The following TMEM86A variants were observed in gnomAD, a reference collection of about 807,000 sequenced individuals.
The protein encoded by TMEM86A is lysoplasmalogenase TMEM86A.
Under a neutral mutation model 19.8 loss-of-function variants are expected in TMEM86A, and 13 were observed. The observed-to-expected ratio is 0.66, with a 90% CI of 0.43 to 1.04. The LOEUF (loss-of-function observed/expected upper bound fraction) is 1.04, where lower values mean the gene tolerates loss of function less well. Among genes scored for constraint, TMEM86A ranks in the 50% least tolerant of loss-of-function variants. The probability of loss-of-function intolerance (pLI) is 0.00; values close to 1 mark genes in which losing one functional copy is unlikely to be tolerated. For missense variants in TMEM86A, 248 were observed against 306.8 expected, an observed-to-expected ratio of 0.81 and a Z score of 1.43; for synonymous variants, 128 against 129.9, an observed-to-expected ratio of 0.99 and a Z score of 0.10.
In TMEM86A at chr11:18,701,041, T is replaced by C. The variant is rs769669039; in HGVS notation, c.130T>C (p.Cys44Arg). 3 of 1,614,208 alleles carry C rather than the reference T, an allele frequency of 1.9e-6. No individual in the cohort carries two copies. The South Asian group carries it at 3.3e-5, about 18-fold the overall frequency. Residue 44 changes from cysteine (C) to arginine (R), a missense_variant, in exon 2 of 3, where the codon TGC (cysteine) becomes CGC (arginine). Physicochemically the swap from Cys to Arg is radical, Grantham distance 180 (BLOSUM62 -3). Coordinates refer to ENST00000280734, the MANE Select transcript of TMEM86A (RefSeq NM_153347.3). This position sits in a 1 kb window ranked among gnomAD's most constrained non-coding sequence, Gnocchi z 5.3. The stretch of plus-strand genomic sequence containing the variant: ...ATCGTGGGTCAGCACCCTCATCAAG[T>C]GCCTGCCTATCTTCTGCCTCTGGCT... ...SPSWVSTLIK[C>R]LPIFCLWLFL...
chr11:18,703,590 C>T lies in TMEM86A; in HGVS notation c.*1581C>T, dbSNP rs577825795. On this transcript the variant is annotated 3_prime_UTR_variant, in exon 3 of 3. Coordinates refer to ENST00000280734, the MANE Select transcript of TMEM86A (RefSeq NM_153347.3). ...TGATTCATTCATTAGTTGTAAAGCCCTGGCAGAATAATACATCACTCTGCT... is the reference window on the plus strand; with the variant it reads ...TGATTCATTCATTAGTTGTAAAGCCTTGGCAGAATAATACATCACTCTGCT... The T allele has an allele frequency of 2.0e-5, 3 of 152,194 alleles. No individual in the cohort carries two copies. Among genetic ancestry groups the T allele is most frequent in the Non-Finnish European group, 4.4e-5 (3 of 68,038 alleles). The allele number at this position is 152,194 out of a possible 1,614,324, so 9.4% of individuals were successfully genotyped here. A position where few individuals can be genotyped will look rare whatever the true frequency, so the allele number is the denominator to read the frequency against.
At position 18,704,627 on chromosome 11, in the gene TMEM86A, G is replaced by A; in HGVS notation, c.*2618G>A. 1.2e-6 allele frequency: 1 copy of A among 832,010 alleles called. No homozygotes were observed. The highest frequency in any genetic ancestry group is 2.2e-4 in the Middle Eastern group (1 of 4,550). 51.5% of individuals were successfully genotyped at this position (832,010 alleles called of 1,614,324 possible). A position where few individuals can be genotyped will look rare whatever the true frequency, so the allele number is the denominator to read the frequency against. On this transcript the variant is annotated 3_prime_UTR_variant, in exon 3 of 3. Coordinates refer to ENST00000280734, the MANE Select transcript of TMEM86A (RefSeq NM_153347.3). ...GCTGGACTTCCTATGCAGGAAACCA[G>A]GAGCTGGACCCTGGGACCCTTAATC...
In TMEM86A at chr11:18,702,034, TCTC is replaced by T; in HGVS notation, c.*31_*33del. 6.3e-7 allele frequency: 1 copy of T among 1,595,838 alleles called. No individual in the cohort carries two copies. Among genetic ancestry groups the T allele is most frequent in the Non-Finnish European group, 8.5e-7 (1 of 1,175,786 alleles). On this transcript the variant is annotated 3_prime_UTR_variant, in exon 3 of 3. Coordinates refer to ENST00000280734, the MANE Select transcript of TMEM86A (RefSeq NM_153347.3). ...AGGTGCCAGGGTCTGGTCACCCCTC[TCTC>T]CTCCTGGGGCTGGGGCCCAGATCCT... is the stretch of plus-strand genomic sequence containing the variant.
Position 18,704,730 on chromosome 11 carries a change from GT to G in TMEM86A, c.*2723del. Reference sequence around the variant, plus strand: ...TATTTGCCAGACATTGTGCCAGGCAGTTGTGTACTGTCTCATTTAAGCCTCA... The same window carrying G: ...TATTTGCCAGACATTGTGCCAGGCAGTGTGTACTGTCTCATTTAAGCCTCA... On this transcript the variant is annotated 3_prime_UTR_variant, in exon 3 of 3. Coordinates refer to ENST00000280734, the MANE Select transcript of TMEM86A (RefSeq NM_153347.3). The G allele has an allele frequency of 1.7e-6, 1 of 578,998 alleles. No homozygotes were observed. The highest frequency in any genetic ancestry group is 3.1e-6 in the Non-Finnish European group (1 of 322,218). 35.9% of individuals were successfully genotyped at this position (578,998 alleles called of 1,614,324 possible).
At position 18,701,490 on chromosome 11, in the gene TMEM86A, CG is replaced by C; in HGVS notation, c.287-82del. On this transcript the variant is annotated intron_variant, in intron 2 of 2. Transcript: ENST00000280734. This position sits in a 1 kb window ranked among gnomAD's most constrained non-coding sequence, Gnocchi z 5.3. Reference sequence around the variant, plus strand: ...GGTTATCCCAAACACTCCACTCCATCGCCACATCCATCCCTACCCCCACCCT... The same window carrying C: ...GGTTATCCCAAACACTCCACTCCATCCCACATCCATCCCTACCCCCACCCT... The C allele has an allele frequency of 7.1e-7, 1 of 1,412,322 alleles. No individual in the cohort carries two copies. The highest frequency in any genetic ancestry group is 9.6e-7 in the Non-Finnish European group (1 of 1,040,466). 87.5% of individuals were successfully genotyped at this position (1,412,322 alleles called of 1,614,324 possible).
chr11:18,702,403 ACT>A lies in TMEM86A; in HGVS notation c.*396_*397del. 4.5e-6 allele frequency: 1 copy of A among 224,636 alleles called. No individual in the cohort carries two copies. The highest frequency in any genetic ancestry group is 8.9e-6 in the Non-Finnish European group (1 of 111,836). The allele number at this position is 224,636 out of a possible 1,614,324, so 13.9% of individuals were successfully genotyped here. A position where few individuals can be genotyped will look rare whatever the true frequency, so the allele number is the denominator to read the frequency against. On this transcript the variant is annotated 3_prime_UTR_variant, in exon 3 of 3. Transcript: ENST00000280734. ...ACCAATGGCAGTGCTGGGTTCACCCACTCCTCCCCTTTTTCATCTGCACAAAG... is the reference window on the plus strand; with the variant it reads ...ACCAATGGCAGTGCTGGGTTCACCCACCTCCCCTTTTTCATCTGCACAAAG...
At position 18,702,287 on chromosome 11, in the gene TMEM86A, C is replaced by G. The variant is rs1848159127; in HGVS notation, c.*278C>G. 1 of 484,408 alleles carries G rather than the reference C, an allele frequency of 2.1e-6. No homozygotes were observed. The highest frequency in any genetic ancestry group is 3.3e-5 in the Admixed American group (1 of 30,352). 30.0% of individuals were successfully genotyped at this position (484,408 alleles called of 1,614,324 possible). A position where few individuals can be genotyped will look rare whatever the true frequency, so the allele number is the denominator to read the frequency against. On this transcript the variant is annotated 3_prime_UTR_variant, in exon 3 of 3. Transcript: ENST00000280734. ...ACCCTATCAGGACTTTCAAAACCCC[C>G]CTGGAAGGTGATGGTGCTCAGCTTC...
At position 18,698,865 on chromosome 11, in the gene TMEM86A, G is replaced by A. The variant is rs1476728430; in HGVS notation, c.-22G>A. ...TGGCCGCTGCAGCCCGGAGCAGGGT[G>A]CCAGCCGCCGCCGCCGCCGCCATGG... On this transcript the variant is annotated 5_prime_UTR_variant, in exon 1 of 3. Transcript: ENST00000280734. 3.0e-6 allele frequency: 2 copies of A among 675,278 alleles called. No homozygotes were observed. Among genetic ancestry groups the A allele is most frequent in the East Asian group, 3.1e-5 (1 of 32,570 alleles). The allele number at this position is 675,278 out of a possible 1,614,324, so 41.8% of individuals were successfully genotyped here. A position where few individuals can be genotyped will look rare whatever the true frequency, so the allele number is the denominator to read the frequency against.
rs1848124883 is a variant in TMEM86A at position 18,698,850 on chromosome 11, A to G, written c.-37A>G. 2 of 671,002 alleles carry G rather than the reference A, an allele frequency of 3.0e-6. No homozygotes were observed. Among genetic ancestry groups the G allele is most frequent in the Admixed American group, 2.3e-5 (1 of 44,444 alleles). 41.6% of individuals were successfully genotyped at this position (671,002 alleles called of 1,614,324 possible). A position where few individuals can be genotyped will look rare whatever the true frequency, so the allele number is the denominator to read the frequency against. ...GCCGTGGGCGCGTCCTGGCCGCTGCAGCCCGGAGCAGGGTGCCAGCCGCCG... is the reference window on the plus strand; with the variant it reads ...GCCGTGGGCGCGTCCTGGCCGCTGCGGCCCGGAGCAGGGTGCCAGCCGCCG... On this transcript the variant is annotated 5_prime_UTR_variant, in exon 1 of 3. Coordinates refer to ENST00000280734, the MANE Select transcript of TMEM86A (RefSeq NM_153347.3).
Position 18,699,299 on chromosome 11 carries a change from A to G in TMEM86A, c.21+392A>G, listed in dbSNP as rs1000613868. Among the ~76,000 whole-genome samples, 1 of 152,030 alleles carries G rather than the reference A, an allele frequency of 6.6e-6. No individual in the cohort carries two copies. Among genetic ancestry groups the G allele is most frequent in the Non-Finnish European group, 1.5e-5 (1 of 67,968 alleles). The stretch of plus-strand genomic sequence containing the variant: ...GGGGGATGCTGGGAGGATAACAGGG[A>G]CCTCCTGGGAATGCCGTCCCAAGTT... On this transcript the variant is annotated intron_variant, in intron 1 of 2. Coordinates refer to ENST00000280734, the MANE Select transcript of TMEM86A (RefSeq NM_153347.3). The surrounding 1 kb of genome is among the most constrained non-coding windows in gnomAD (Gnocchi z 4.0).
chr11:18,702,444 G>A lies in TMEM86A; in HGVS notation c.*435G>A, dbSNP rs1370540300. 4.8e-6 allele frequency: 1 copy of A among 209,810 alleles called. No individual in the cohort carries two copies. Among genetic ancestry groups the A allele is most frequent in the Non-Finnish European group, 9.8e-6 (1 of 102,148 alleles). The allele number at this position is 209,810 out of a possible 1,614,324, so 13.0% of individuals were successfully genotyped here. On this transcript the variant is annotated 3_prime_UTR_variant, in exon 3 of 3. Transcript: ENST00000280734. The stretch of plus-strand genomic sequence containing the variant: ...ATCTGCACAAAGTTGAGGGAAACGG[G>A]AGAATCTGTGCTGAGAAGACTCAGA...
Position 18,703,234 on chromosome 11 carries a change from T to G in TMEM86A, c.*1225T>G, listed in dbSNP as rs2134151855. 1 of 152,516 alleles carries G rather than the reference T, an allele frequency of 6.6e-6. No individual in the cohort carries two copies. The highest frequency in any genetic ancestry group is 1.5e-5 in the Non-Finnish European group (1 of 68,140). 9.4% of individuals were successfully genotyped at this position (152,516 alleles called of 1,614,324 possible). On this transcript the variant is annotated 3_prime_UTR_variant, in exon 3 of 3. Transcript: ENST00000280734. ...CACAGTCCTGGGCAGTGCATCTTGG[T>G]GCCAGGCTGGCTACCTGGCTCTGGT... is the stretch of plus-strand genomic sequence containing the variant.
Position 18,699,148 on chromosome 11 carries a change from G to A in TMEM86A, c.21+241G>A, listed in dbSNP as rs1231976651. ...GAGGAAAACACTGGCCACGTGACTC[G>A]GAAGCGTGACTTTGTTGATCTCCAT... On this transcript the variant is annotated intron_variant, in intron 1 of 2. Coordinates refer to ENST00000280734, the MANE Select transcript of TMEM86A (RefSeq NM_153347.3). This position sits in a 1 kb window ranked among gnomAD's most constrained non-coding sequence, Gnocchi z 4.0. 6.6e-6 allele frequency among the ~76,000 whole-genome samples: 1 copy of A among 152,212 alleles called. No homozygotes were observed. The highest frequency in any genetic ancestry group is 1.5e-5 in the Non-Finnish European group (1 of 68,024).
chr11:18,701,531 A>G lies in TMEM86A; in HGVS notation c.287-42A>G, dbSNP rs771998603. On this transcript the variant is annotated intron_variant, in intron 2 of 2. Transcript: ENST00000280734. This position sits in a 1 kb window ranked among gnomAD's most constrained non-coding sequence, Gnocchi z 5.3. ...ACCCCCACCCTGTTACTCATTCTTC[A>G]TCAAGCTTGCCCTCAGCTGCCTTTG... The G allele has an allele frequency of 2.0e-6, 3 of 1,521,892 alleles. No individual in the cohort carries two copies. The highest frequency in any genetic ancestry group is 2.6e-6 in the Non-Finnish European group (3 of 1,134,170). The allele number at this position is 1,521,892 out of a possible 1,614,324, so 94.3% of individuals were successfully genotyped here.
rs1325312198 is a variant in TMEM86A at position 18,699,956 on chromosome 11, TAGC to T, written c.22-973_22-971del. ...TCCATATCACCCTCAATGGATCTGT[TAGC>T]AGCCCAAGGAAAGGAGTTTCAAGGA... On this transcript the variant is annotated intron_variant, in intron 1 of 2. Transcript: ENST00000280734. The surrounding 1 kb of genome is among the most constrained non-coding windows in gnomAD (Gnocchi z 4.0). 1 of 152,342 alleles carries T rather than the reference TAGC, an allele frequency of 6.6e-6. No individual in the cohort carries two copies. 9.4% of individuals were successfully genotyped at this position (152,342 alleles called of 1,614,324 possible). A position where few individuals can be genotyped will look rare whatever the true frequency, so the allele number is the denominator to read the frequency against.
At position 18,701,957 on chromosome 11, in the gene TMEM86A, C is replaced by G. The variant is rs1307437985; in HGVS notation, c.671C>G (p.Ala224Gly). 6.2e-7 allele frequency: 1 copy of G among 1,612,400 alleles called. No individual in the cohort carries two copies. The highest frequency in any genetic ancestry group is 1.7e-5 in the Admixed American group (1 of 60,034). ...GCCCAGATGCTCGTCGCCTTGTCAGCTGTCGAAAGCCGGGAGCCTGTGGAA... is the reference window on the plus strand; with the variant it reads ...GCCCAGATGCTCGTCGCCTTGTCAGGTGTCGAAAGCCGGGAGCCTGTGGAA... ...YVAQMLVALSAVESREPVEHY... is the reference protein window; with the variant it reads ...YVAQMLVALSGVESREPVEHY... The change falls in exon 3 of 3, where the codon GCT (alanine) becomes GGT (glycine). Residue 224 changes from alanine (A) to glycine (G), a missense_variant. Coordinates refer to ENST00000280734, the MANE Select transcript of TMEM86A (RefSeq NM_153347.3). The surrounding 1 kb of genome is among the most constrained non-coding windows in gnomAD (Gnocchi z 5.3).
chr11:18,698,869 G>A lies in TMEM86A; in HGVS notation c.-18G>A, dbSNP rs1192414593. On this transcript the variant is annotated 5_prime_UTR_variant, in exon 1 of 3. Transcript: ENST00000280734. ...CGCTGCAGCCCGGAGCAGGGTGCCA[G>A]CCGCCGCCGCCGCCGCCATGGTGTC... 9.2e-6 allele frequency: 6 copies of A among 654,954 alleles called. No homozygotes were observed. Among genetic ancestry groups the A allele is most frequent in the Admixed American group, 2.3e-5 (1 of 42,766 alleles). The allele number at this position is 654,954 out of a possible 1,614,324, so 40.6% of individuals were successfully genotyped here.
At position 18,701,689 on chromosome 11, in the gene TMEM86A, C is replaced by G. The variant is rs1848151804; in HGVS notation, c.403C>G (p.Leu135Val). The G allele has an allele frequency of 1.2e-6, 2 of 1,613,958 alleles. No individual in the cohort carries two copies. Among genetic ancestry groups the G allele is most frequent in the African/African-American group, 1.3e-5 (1 of 74,940 alleles). Residue 135 changes from leucine to valine, a missense_variant, in exon 3 of 3, where the codon CTC becomes GTC. Transcript: ENST00000280734. The surrounding 1 kb of genome is among the most constrained non-coding windows in gnomAD (Gnocchi z 5.3). ...GCTGTCGGGCCTGTGCTATGCCCTC[C>G]TCTACCCATGCCTCTCAGGTGCCTT... ...AALSGLCYAL[L>V]YPCLSGAFTY...
rs755709483 is a variant in TMEM86A at position 18,701,106 on chromosome 11, C to T, written c.195C>T (p.His65=). 1 of 1,614,074 alleles carries T rather than the reference C, an allele frequency of 6.2e-7. No individual in the cohort carries two copies. The highest frequency in any genetic ancestry group is 1.1e-5 in the South Asian group (1 of 91,082). The stretch of plus-strand genomic sequence containing the variant: ...ATGGCCTGGGATTCCTGCTGGCCCA[C>T]CCCAGCGCCACCCGCATCTTTGTGG... ...LAHGLGFLLA[H]PSATRIFVGL... is the part of the protein sequence containing the mutation. The change falls in exon 2 of 3, where the codon CAC becomes CAT. Residue 65 remains histidine, a synonymous_variant. Transcript: ENST00000280734. This position sits in a 1 kb window ranked among gnomAD's most constrained non-coding sequence, Gnocchi z 5.3.
Sources: gnomAD v4.1 joint callset for allele counts (sites outside exome capture counted in the v4.1 genomes callset) on GRCh38, gnomAD v4.1.1 for gene constraint, Gnocchi (gnomAD v3.1) non-coding constraint, MANE v1.5 for transcripts, NCBI Gene and HGNC (gene_info 2026-07-23, HGNC 2026-07-21) for gene names.